The following PIP5K1C variants were observed in gnomAD, a reference collection of about 807,000 sequenced individuals.
PIP5K1C encodes phosphatidylinositol 4-phosphate 5-kinase type-1 gamma.
Under a neutral mutation model 80.1 loss-of-function variants are expected in PIP5K1C, and 45 were observed. The ratio of observed to expected loss-of-function variants is 0.56; its 90% confidence interval spans 0.44 to 0.72. The LOEUF (loss-of-function observed/expected upper bound fraction) is 0.72, where lower values mean the gene tolerates loss of function less well. Among genes scored for constraint, PIP5K1C ranks in the 30% least tolerant of loss-of-function variants. The pLI is 0.00. For synonymous variants in PIP5K1C, 498 were observed against 420.1 expected (o/e 1.19, Z -2.27); for missense variants, 753 against 954.6 (o/e 0.79, Z 2.78).
intron 6 of PIP5K1C, 102 bp downstream of exon 6, chr19:3,656,303 C>T: frequency 7.3e-7 from 1 of 1,374,712 alleles, no homozygotes; most frequent in Admixed American, 1.8e-5. Context: ...CACCACGCCC[C>T]AAGGATGCCT....
At chr19:3,686,330 G>A (rs1440489244) in intron 1 of PIP5K1C, among the ~76,000 whole-genome samples, 1 of 151,908 alleles carries the variant, frequency 6.6e-6, no homozygotes, top group African/African-American at 2.4e-5. Flanking sequence ...TGAGGCAGGA[G>A]AATGGCATGA....
intron 1 of PIP5K1C, among the ~76,000 whole-genome samples, chr19:3,676,793 A>G (rs1207474574): frequency 2.0e-5 from 3 of 152,228 alleles, no homozygotes; most frequent in Admixed American, 1.3e-4. Context: ...AAAAAAGGAG[A>G]GAAAGGGAGA....
rs1489840259 is a variant in PIP5K1C, at chr19:3,651,948, C to T, written c.1005G>A (p.Ala335=). The T allele has an allele frequency of 8.7e-6, 14 of 1,612,804 alleles. No individual in the cohort carries two copies. In the East Asian group the frequency reaches 1.1e-4, roughly 13 times the overall value. The stretch of plus-strand genomic sequence containing the variant: ...CATCTGAGGTGCTCTGGGCGCCCTG[C>T]GCCTGCCGCTCGCGCTCGTGCTGGT... ...NIDQHERERQ[A]QGAQSTSDEK... The change falls in exon 8 of 18, where the codon GCG becomes GCA. Residue 335 remains alanine, a synonymous_variant. Transcript: ENST00000335312.
chr19:3,693,193 C>T (rs1490764531), intron 1 of PIP5K1C, among the ~76,000 whole-genome samples: 2 of 152,156 alleles, frequency 1.3e-5, no homozygotes, highest in Admixed American at 6.5e-5. Flanking sequence ...AGACGATGCC[C>T]GAACCACACC....
chr19:3,680,636 A>G (rs1568352653), intron 1 of PIP5K1C, among the ~76,000 whole-genome samples: 1 of 152,212 alleles, frequency 6.6e-6, no homozygotes, highest in South Asian at 2.1e-4. Flanking sequence ...AAAAGGTTTT[A>G]AGCACCTGGA....
rs2036114984 is a variant in PIP5K1C at position 3,696,726 on chromosome 19, G to A, written c.94+3571C>T. 1.0e-5 allele frequency among the ~76,000 whole-genome samples: 1 copy of A among 97,644 alleles called. No homozygotes were observed. Among genetic ancestry groups the A allele is most frequent in the Non-Finnish European group, 2.0e-5 (1 of 51,146 alleles). 64.1% of individuals were successfully genotyped at this position (97,644 alleles called of 152,430 possible). A position where few individuals can be genotyped will look rare whatever the true frequency, so the allele number is the denominator to read the frequency against. On this transcript the variant is annotated intron_variant, in intron 1 of 17. Transcript: ENST00000335312. The surrounding 1 kb of genome is among the most constrained non-coding windows in gnomAD (Gnocchi z 4.1). Reference sequence around the variant, plus strand: ...TGCAGACGGGAGGGCAGGGAGGGCAGAGTGCGGAGGGGAGGGCAGGGAGGG... The same window carrying A: ...TGCAGACGGGAGGGCAGGGAGGGCAAAGTGCGGAGGGGAGGGCAGGGAGGG...
intron 1 of PIP5K1C, among the ~76,000 whole-genome samples, chr19:3,699,028 C>T (rs1170737660): frequency 6.6e-6 from 1 of 150,982 alleles, no homozygotes; most frequent in Non-Finnish European, 1.5e-5. Context: ...CTCCCAGAGC[C>T]CCTGATAAGA....
chr19:3,666,283 G>C (rs1455640300), intron 2 of PIP5K1C, among the ~76,000 whole-genome samples: 2 of 152,228 alleles, frequency 1.3e-5, no homozygotes, highest in East Asian at 1.9e-4. Flanking sequence ...GAAGACGGGA[G>C]ATGCAGCAGC....
chr19:3,634,248 G>C (rs760297196), intron 16 of PIP5K1C, among the ~76,000 whole-genome samples: 2 of 152,080 alleles, frequency 1.3e-5, no homozygotes, highest in African/African-American at 2.4e-5. Context: ...GAGGGAGGGA[G>C]GGTGCGTTCC....
intron 2 of PIP5K1C, 24 bp from the exon 3 acceptor site, chr19:3,664,938 T>TA: frequency 6.3e-7 from 1 of 1,576,580 alleles, no homozygotes; most frequent in Non-Finnish European, 8.7e-7. Flanking sequence ...GCAGGAAGCG[T>TA]TAACTCCCTA....
At chr19:3,643,652 C>T (rs1437613502) in intron 12 of PIP5K1C, among the ~76,000 whole-genome samples, 2 of 151,960 alleles carry the variant, frequency 1.3e-5, no homozygotes, top group Admixed American at 6.6e-5. Flanking sequence ...GCTGTCTTCC[C>T]CTCCACTGCT....
In PIP5K1C at chr19:3,648,569, T is replaced by A; in HGVS notation, c.1211+56A>T. The A allele has an allele frequency of 7.8e-7, 1 of 1,284,240 alleles. No individual in the cohort carries two copies. The highest frequency in any genetic ancestry group is 1.1e-6 in the Non-Finnish European group (1 of 922,766). The allele number at this position is 1,284,240 out of a possible 1,614,324, so 79.6% of individuals were successfully genotyped here. Reference sequence around the variant, plus strand: ...GGGGCTGCAGACCCGGGCGCCCACCTGTGGGACTGCAGACCCGGGGCGTCC... The same window carrying A: ...GGGGCTGCAGACCCGGGCGCCCACCAGTGGGACTGCAGACCCGGGGCGTCC... On this transcript the variant is annotated intron_variant, in intron 9 of 17. Coordinates refer to ENST00000335312, the MANE Select transcript of PIP5K1C (RefSeq NM_012398.3). This position sits in a 1 kb window ranked among gnomAD's most constrained non-coding sequence, Gnocchi z 4.3.
intron 3 of PIP5K1C, among the ~76,000 whole-genome samples, chr19:3,663,701 G>A (rs2034914024): frequency 6.6e-6 from 1 of 152,204 alleles, no homozygotes; most frequent in Non-Finnish European, 1.5e-5. Flanking sequence ...ACACCCATGA[G>A]GACGCCAGAA....
At chr19:3,662,192 A>C (rs1336271727) in intron 3 of PIP5K1C, among the ~76,000 whole-genome samples, 191 bp from the exon 4 acceptor site, 1 of 152,118 alleles carries the variant, frequency 6.6e-6, no homozygotes, top group East Asian at 1.9e-4. Context: ...CGGGGGATGA[A>C]GCCACCCTCC....
At position 3,672,442 on chromosome 19, in the gene PIP5K1C, CGT is replaced by C. The variant is rs145834578; in HGVS notation, c.95-5091_95-5090del. On this transcript the variant is annotated intron_variant, in intron 1 of 17. Transcript: ENST00000335312. ...GCCTGCCCTGGGCTGACAGCATGGG[CGT>C]GTTTGTTGACTGACCCATGGACTGA... The C allele has an allele frequency of 7.5e-3, 1,145 of 152,514 alleles. 14 individuals are homozygous for C. The highest frequency in any genetic ancestry group is 0.024 in the African/African-American group (999 of 41,590). The allele number at this position is 152,514 out of a possible 1,614,324, so 9.4% of individuals were successfully genotyped here.
rs371822112 is a variant in PIP5K1C at position 3,655,481 on chromosome 19, G to A, written c.621+924C>T. Among the ~76,000 whole-genome samples, 4 of 152,244 alleles carry A rather than the reference G, an allele frequency of 2.6e-5. No individual in the cohort carries two copies. The East Asian group carries it at 5.8e-4, about 22-fold the overall frequency. On this transcript the variant is annotated intron_variant, in intron 6 of 17. Coordinates refer to ENST00000335312, the MANE Select transcript of PIP5K1C (RefSeq NM_012398.3). ...AAATAGTCTTTGATGACACGTGAAA[G>A]TGATATGGAATTCGCATTTCTTGGT...
Position 3,651,888 on chromosome 19 carries a change from G to A in PIP5K1C, c.1065C>T (p.Ser355=), listed in dbSNP as rs763333374. 5 of 1,612,710 alleles carry A rather than the reference G, an allele frequency of 3.1e-6. No homozygotes were observed. In the African/African-American group the frequency reaches 6.7e-5, roughly 22 times the overall value. ...KRPVGQKALY[S]TAMESIQGGA... ...CACCCTGGATGGACTCCATGGCCGTGGAGTAGAGCGCCTTCTGGCCCACAG... is the reference window on the plus strand; with the variant it reads ...CACCCTGGATGGACTCCATGGCCGTAGAGTAGAGCGCCTTCTGGCCCACAG... Residue 355 remains serine, a synonymous_variant, in exon 8 of 18, where the codon TCC becomes TCT. Transcript: ENST00000335312.
chr19:3,690,624 A>G (rs908198859), intron 1 of PIP5K1C, among the ~76,000 whole-genome samples: 6 of 152,208 alleles, frequency 3.9e-5, no homozygotes, highest in Admixed American at 6.5e-5. Context: ...GGAAAGAGTG[A>G]TAAGTTTGAC....
At chr19:3,676,280 G>C (rs568318511) in intron 1 of PIP5K1C, among the ~76,000 whole-genome samples, 2 of 152,222 alleles carry the variant, frequency 1.3e-5, no homozygotes, top group African/African-American at 4.8e-5. Context: ...GTACCTGCCC[G>C]GCCCTGCAGC....
Sources: gnomAD v4.1 joint callset for allele counts (sites outside exome capture counted in the v4.1 genomes callset) on GRCh38, gnomAD v4.1.1 for gene constraint, Gnocchi (gnomAD v3.1) non-coding constraint, MANE v1.5 for transcripts, NCBI Gene and HGNC (gene_info 2026-07-23, HGNC 2026-07-21) for gene names.